Variants in PPP1R14C observed in about 807,000 individuals in gnomAD.
PPP1R14C encodes the protein protein phosphatase 1 regulatory inhibitor subunit 14C.
Under a neutral mutation model 20.4 loss-of-function variants are expected in PPP1R14C, and 16 were observed. The observed-to-expected ratio is 0.78, with a 90% CI of 0.53 to 1.19. The LOEUF (loss-of-function observed/expected upper bound fraction) is 1.19. PPP1R14C is among the 50% of genes most tolerant of loss of function. PPP1R14C has a pLI of 0.00. For synonymous variants in PPP1R14C, 91 were observed against 91.0 expected (o/e 1.00, Z 0.00); for missense variants, 211 against 220.1 (o/e 0.96, Z 0.26).
At chr6:150,192,210 A>G (rs1198730379) in intron 1 of PPP1R14C, among the ~76,000 whole-genome samples, 1 of 152,036 alleles carries the variant, frequency 6.6e-6, no homozygotes, top group Non-Finnish European at 1.5e-5. Flanking sequence ...GTTGTCTCTA[A>G]ATTCTGGCCC....
At chr6:150,227,562 T>C (rs1272011279) in intron 3 of PPP1R14C, among the ~76,000 whole-genome samples, 1 of 152,194 alleles carries the variant, frequency 6.6e-6, no homozygotes, top group Non-Finnish European at 1.5e-5. Flanking sequence ...TGTGTGTCCA[T>C]AGGCAGGGAA....
intron 3 of PPP1R14C, among the ~76,000 whole-genome samples, chr6:150,220,854 G>A (rs896043410): frequency 1.3e-5 from 2 of 152,208 alleles, no homozygotes; most frequent in African/African-American, 4.8e-5. Flanking sequence ...AAAATGGTGG[G>A]TCTTGCCTCC....
rs571795840 is a variant in PPP1R14C, at chr6:150,185,156, G to C, written c.307-29588G>C. On this transcript the variant is annotated intron_variant, in intron 1 of 3. Coordinates refer to ENST00000361131, the MANE Select transcript of PPP1R14C (RefSeq NM_030949.3). This position sits in a 1 kb window ranked among gnomAD's most constrained non-coding sequence, Gnocchi z 4.1. Reference sequence around the variant, plus strand: ...TCCTGCTTTTCAGTTTGACTGGGTTGCAACGGGTCCATTATTTACTCAACT... The same window carrying C: ...TCCTGCTTTTCAGTTTGACTGGGTTCCAACGGGTCCATTATTTACTCAACT... 1.1e-4 allele frequency among the ~76,000 whole-genome samples: 16 copies of C among 152,294 alleles called. No homozygotes were observed. The South Asian group carries it at 2.9e-3, about 28-fold the overall frequency.
intron 3 of PPP1R14C, among the ~76,000 whole-genome samples, chr6:150,229,130 A>G (rs746939751): frequency 6.6e-6 from 1 of 152,194 alleles, no homozygotes; most frequent in Non-Finnish European, 1.5e-5. Flanking sequence ...AATAAAGACA[A>G]TGTGACACAT....
At chr6:150,208,790 A>C (rs1000044510) in intron 1 of PPP1R14C, among the ~76,000 whole-genome samples, 1 of 152,106 alleles carries the variant, frequency 6.6e-6, no homozygotes, top group Admixed American at 6.5e-5. Context: ...AATTAACATA[A>C]TTCTGCTTGA....
intron 3 of PPP1R14C, among the ~76,000 whole-genome samples, chr6:150,246,942 C>T (rs1344975840): frequency 1.3e-5 from 2 of 152,044 alleles, no homozygotes; most frequent in Non-Finnish European, 2.9e-5. Flanking sequence ...ATATTTTCTT[C>T]AATATCCATA....
chr6:150,143,335 C>A lies in PPP1R14C; in HGVS notation c.143C>A (p.Ala48Glu), dbSNP rs753242260. ...TCAGGCTCCTCCCGGGAGGACTCGG[C>A]GCCCGTGGCCACGGCGGCCGCTGCA... ...SGSGSSREDS[A>E]PVATAAAAGQ... The change falls in exon 1 of 4, where the codon GCG becomes GAG. Residue 48 changes from alanine to glutamate, a missense_variant. By Grantham distance (107) the Ala-to-Glu change is moderately radical. Transcript: ENST00000361131. The surrounding 1 kb of genome is among the most constrained non-coding windows in gnomAD (Gnocchi z 5.6). The A allele has an allele frequency of 1.2e-5, 20 of 1,603,210 alleles. No individual in the cohort carries two copies. The highest frequency in any genetic ancestry group is 1.7e-5 in the Non-Finnish European group (20 of 1,176,390).
intron 1 of PPP1R14C, among the ~76,000 whole-genome samples, chr6:150,166,076 TTC>T (rs1207259258): frequency 7.1e-6 from 1 of 140,536 alleles, no homozygotes; most frequent in African/African-American, 2.6e-5. Flanking sequence ...GCTCTTCTTC[TTC>T]TTTTTTTTTT....
intron 3 of PPP1R14C, among the ~76,000 whole-genome samples, chr6:150,221,281 C>T (rs755115260): frequency 2.6e-5 from 4 of 152,238 alleles, no homozygotes; most frequent in Non-Finnish European, 5.9e-5. Flanking sequence ...GTAGCTTGCC[C>T]GTAATGTCAG....
chr6:150,190,677 G>A (rs116000746), intron 1 of PPP1R14C, among the ~76,000 whole-genome samples: 212 of 152,038 alleles, frequency 1.4e-3, no homozygotes, highest in African/African-American at 4.9e-3. Context: ...CACTCTCCTC[G>A]GCCTCTTAAA....
chr6:150,228,822 C>A (rs888535459), intron 3 of PPP1R14C, among the ~76,000 whole-genome samples: 2 of 151,998 alleles, frequency 1.3e-5, no homozygotes, highest in Admixed American at 6.6e-5. Flanking sequence ...GTGATGATAA[C>A]AATAATAATA....
At chr6:150,191,464 C>T (rs1411878716) in intron 1 of PPP1R14C, among the ~76,000 whole-genome samples, 1 of 152,142 alleles carries the variant, frequency 6.6e-6, no homozygotes, top group African/African-American at 2.4e-5. Flanking sequence ...GAACAGTTCT[C>T]GAAATTGGGA....
intron 3 of PPP1R14C, among the ~76,000 whole-genome samples, chr6:150,226,750 A>G (rs1026981879): frequency 2.6e-5 from 4 of 151,970 alleles, no homozygotes; most frequent in African/African-American, 9.7e-5. Context: ...CTATCATTGT[A>G]TCAAATTATA....
rs1778127438 is a variant in PPP1R14C, at chr6:150,218,488, A to G, written c.423+1632A>G. Among the ~76,000 whole-genome samples the G allele has an allele frequency of 7.5e-5, 10 of 132,940 alleles. No individual in the cohort carries two copies. The South Asian group carries it at 2.9e-3, about 38-fold the overall frequency. 87.2% of individuals were successfully genotyped at this position (132,940 alleles called of 152,430 possible). ...AATACATCTGAACCCCCCCCCCCAA[A>G]AAAAAATTCTGAGGCTTATTTTAAA... On this transcript the variant is annotated intron_variant, in intron 3 of 3. Coordinates refer to ENST00000361131, the MANE Select transcript of PPP1R14C (RefSeq NM_030949.3).
chr6:150,233,894 A>G (rs1045008402), intron 3 of PPP1R14C, among the ~76,000 whole-genome samples: 1 of 152,208 alleles, frequency 6.6e-6, no homozygotes, highest in Admixed American at 6.5e-5. Flanking sequence ...ACCCCATTGC[A>G]GGGCATGCTC....
intron 1 of PPP1R14C, among the ~76,000 whole-genome samples, chr6:150,202,684 T>A (rs1385281663): frequency 6.6e-6 from 1 of 152,180 alleles, no homozygotes; most frequent in African/African-American, 2.4e-5. Context: ...GACCTGGGTG[T>A]GCCTCAGTTG....
At chr6:150,199,177 G>A (rs750120888) in intron 1 of PPP1R14C, among the ~76,000 whole-genome samples, 6 of 152,044 alleles carry the variant, frequency 3.9e-5, no homozygotes, top group Non-Finnish European at 7.4e-5. Context: ...TCAGGAATCT[G>A]CATTTTTACA....
At chr6:150,236,737 T>G (rs1778366047) in intron 3 of PPP1R14C, among the ~76,000 whole-genome samples, 1 of 152,080 alleles carries the variant, frequency 6.6e-6, no homozygotes, top group South Asian at 2.1e-4. Flanking sequence ...GAAGAATAAA[T>G]ACGATCTCCT....
At chr6:150,195,511 C>A (rs548379674) in intron 1 of PPP1R14C, among the ~76,000 whole-genome samples, 5 of 152,246 alleles carry the variant, frequency 3.3e-5, no homozygotes, top group African/African-American at 1.2e-4. Flanking sequence ...CCATGCCTGG[C>A]TAATTTTTGT....
Sources: gnomAD v4.1 joint callset for allele counts (sites outside exome capture counted in the v4.1 genomes callset) on GRCh38, gnomAD v4.1.1 for gene constraint, Gnocchi (gnomAD v3.1) non-coding constraint, MANE v1.5 for transcripts, NCBI Gene and HGNC (gene_info 2026-07-23, HGNC 2026-07-21) for gene names.